The following MBNL1 variants were observed in gnomAD, a reference collection of about 807,000 sequenced individuals.
MBNL1 encodes muscleblind-like protein 1.
Under a neutral mutation model 42.2 loss-of-function variants are expected in MBNL1, and 8 were observed. The ratio of observed to expected loss-of-function variants is 0.19; its 90% confidence interval spans 0.11 to 0.34. The LOEUF (loss-of-function observed/expected upper bound fraction) is 0.34. Ranked by LOEUF, MBNL1 falls within the 10% of genes least tolerant of loss-of-function variation. The probability of loss-of-function intolerance (pLI) is 1.00; values close to 1 mark genes in which losing one functional copy is unlikely to be tolerated. For missense variants in MBNL1, 309 were observed against 495.3 expected, an observed-to-expected ratio of 0.62 and a Z score of 3.57; for synonymous variants, 169 against 173.9, an observed-to-expected ratio of 0.97 and a Z score of 0.22.
intron 4 of MBNL1, among the ~76,000 whole-genome samples, chr3:152,436,370 C>G (rs759590077): frequency 5.9e-5 from 9 of 152,184 alleles, no homozygotes; most frequent in Non-Finnish European, 1.2e-4. Flanking sequence ...TAGGTAGATA[C>G]ACCTGATACA....
intron 2 of MBNL1, among the ~76,000 whole-genome samples, chr3:152,315,347 A>G (rs1344637584): frequency 6.6e-6 from 1 of 152,170 alleles, no homozygotes. Flanking sequence ...TTAGATTGTC[A>G]TGTTTTATTG....
intron 3 of MBNL1, among the ~76,000 whole-genome samples, chr3:152,418,192 G>A (rs1238710267): frequency 6.6e-6 from 1 of 152,174 alleles, no homozygotes; most frequent in Non-Finnish European, 1.5e-5. Flanking sequence ...AAGTAGTAAT[G>A]TTACCCTAAA....
At chr3:152,300,612 A>G (rs1259435935) in intron 2 of MBNL1, among the ~76,000 whole-genome samples, 1 of 152,114 alleles carries the variant, frequency 6.6e-6, no homozygotes, top group African/African-American at 2.4e-5. Flanking sequence ...GAAAGTGTTG[A>G]CATATTTTTC....
chr3:152,437,555 A>AT (rs1381402436), intron 4 of MBNL1, among the ~76,000 whole-genome samples: 2 of 152,156 alleles, frequency 1.3e-5, no homozygotes, highest in African/African-American at 4.8e-5. Context: ...CAGTTAGAAC[A>AT]TTCTAGGGAC....
intron 5 of MBNL1, among the ~76,000 whole-genome samples, chr3:152,447,086 T>C (rs562900800): frequency 6.6e-6 from 1 of 152,340 alleles, no homozygotes; most frequent in African/African-American, 2.4e-5. Context: ...AGCATGGCTT[T>C]AGTGGTAGAA....
intron 2 of MBNL1, among the ~76,000 whole-genome samples, chr3:152,323,218 TAAAG>T (rs2077406971): frequency 6.6e-6 from 1 of 152,150 alleles, no homozygotes; most frequent in Non-Finnish European, 1.5e-5. Context: ...TTTTAAATGA[TAAAG>T]GAACTTAAAA....
At chr3:152,444,591 A>G (rs1312698137) in intron 4 of MBNL1, among the ~76,000 whole-genome samples, 1 of 152,222 alleles carries the variant, frequency 6.6e-6, no homozygotes, top group Non-Finnish European at 1.5e-5. Flanking sequence ...AAATATTAAT[A>G]TCTTACATAA....
intron 1 of MBNL1, among the ~76,000 whole-genome samples, chr3:152,277,775 C>T (rs2046149516): frequency 6.6e-6 from 1 of 151,904 alleles, no homozygotes; most frequent in Non-Finnish European, 1.5e-5. Flanking sequence ...ATTTAATATA[C>T]AGAGAAAAAT....
rs1442705424 is a variant in MBNL1 at position 152,342,979 on chromosome 3, CAT to C, written c.174+42613_174+42614del. Among the ~76,000 whole-genome samples, 3 of 152,144 alleles carry C rather than the reference CAT, an allele frequency of 2.0e-5. 1 individual carries two copies. In the East Asian group the frequency reaches 5.8e-4, roughly 29 times the overall value. On this transcript the variant is annotated intron_variant, in intron 2 of 9. Transcript: ENST00000324210. ...GATGCATAGTTAGTGAAATCATAAA[CAT>C]GTAAAGTCTTAGAGATGGATATAAT...
intron 2 of MBNL1, among the ~76,000 whole-genome samples, chr3:152,412,109 C>A (rs1221870080): frequency 6.6e-6 from 1 of 152,144 alleles, no homozygotes; most frequent in Non-Finnish European, 1.5e-5. Context: ...AGGTATGTTC[C>A]TGGTGGTTTT....
At chr3:152,263,216 T>C (rs2036594437), upstream of MBNL1, 2 of 152,238 alleles carry the variant, frequency 1.3e-5, no homozygotes, top group African/African-American at 4.8e-5. Context: ...GGAAAAGAAA[T>C]TGCATATATA....
intron 2 of MBNL1, among the ~76,000 whole-genome samples, chr3:152,388,477 C>T (rs2097541842): frequency 6.6e-6 from 1 of 152,142 alleles, no homozygotes; most frequent in African/African-American, 2.4e-5. Context: ...AGTCCCAGTC[C>T]CATAGTTGAG....
At chr3:152,415,917 T>C (rs2098693864) in intron 3 of MBNL1, among the ~76,000 whole-genome samples, 1 of 152,198 alleles carries the variant, frequency 6.6e-6, no homozygotes. Context: ...AGTGTTAGGT[T>C]GAAAAAGGTG....
At chr3:152,404,556 C>A (rs2098366277) in intron 2 of MBNL1, among the ~76,000 whole-genome samples, 1 of 151,882 alleles carries the variant, frequency 6.6e-6, no homozygotes, top group African/African-American at 2.4e-5. Context: ...GCTGACTTAA[C>A]CAAAATGTTT....
intron 2 of MBNL1, among the ~76,000 whole-genome samples, chr3:152,307,507 C>T (rs1446195233): frequency 3.9e-5 from 6 of 152,120 alleles, no homozygotes; most frequent in African/African-American, 1.4e-4. Context: ...GTATGTCAAT[C>T]AGTGTTTTCA....
At chr3:152,340,273 G>A in intron 2 of MBNL1, 1 of 405,582 alleles carries the variant, frequency 2.5e-6, no homozygotes, top group Non-Finnish European at 4.4e-6. Context: ...AGGCATCACT[G>A]CACCCCAGCC....
chr3:152,397,378 C>T (rs1163061971), intron 2 of MBNL1, among the ~76,000 whole-genome samples: 4 of 152,098 alleles, frequency 2.6e-5, no homozygotes, highest in Admixed American at 2.6e-4. Context: ...CCCTGACAGG[C>T]CCTGGTGTGT....
intron 2 of MBNL1, among the ~76,000 whole-genome samples, chr3:152,347,009 T>C (rs1363701734): frequency 3.3e-5 from 5 of 151,954 alleles, no homozygotes; most frequent in African/African-American, 9.7e-5. Flanking sequence ...TAAGACCCTG[T>C]CTCTACAAAA....
chr3:152,447,916 G>A, intron 6 of MBNL1, 143 bp downstream of exon 6: 1 of 583,384 alleles, frequency 1.7e-6, no homozygotes, highest in Non-Finnish European at 2.8e-6. Context: ...ACTTATCTGA[G>A]GTATCTCATG....
Sources: allele counts gnomAD v4.1 joint callset (sites outside exome capture counted in the v4.1 genomes callset), GRCh38; gene constraint gnomAD v4.1.1; transcripts MANE v1.5; gene names NCBI Gene and HGNC (gene_info 2026-07-23, HGNC 2026-07-21).